MRPS25: variants seen among roughly 807,000 people sequenced by gnomAD.
The protein encoded by MRPS25 is small ribosomal subunit protein mS25.
In MRPS25, 15 loss-of-function variants were observed where a neutral mutation model predicts 17.3. That is an observed-to-expected ratio of 0.87 (90% CI 0.58 to 1.34). The LOEUF is 1.34. Ranked by LOEUF, MRPS25 falls within the 40% of genes most tolerant of loss-of-function variation. The probability of loss-of-function intolerance (pLI) is 0.00; values close to 1 mark genes in which losing one functional copy is unlikely to be tolerated. For synonymous variants in MRPS25, 94 were observed against 83.3 expected, an observed-to-expected ratio of 1.13 and a Z score of -0.70; for missense variants, 225 against 218.6, an observed-to-expected ratio of 1.03 and a Z score of -0.19.
chr3:15,052,889 G>A (rs973945692), intron 3 of MRPS25, among the ~76,000 whole-genome samples: 9 of 152,214 alleles, frequency 5.9e-5, no homozygotes, highest in Admixed American at 2.6e-4. Flanking sequence ...TGCTGCCACA[G>A]GTGGAGCCCA....
intron 3 of MRPS25, 147 bp downstream of exon 3, chr3:15,053,233 C>A: frequency 6.8e-7 from 1 of 1,472,322 alleles, no homozygotes; most frequent in Non-Finnish European, 9.0e-7. Flanking sequence ...TCAGAAAGAA[C>A]TGATTCTACA....
At chr3:15,055,168 C>T (rs540312552) in intron 2 of MRPS25, among the ~76,000 whole-genome samples, 10 of 152,154 alleles carry the variant, frequency 6.6e-5, no homozygotes, top group South Asian at 6.2e-4. Flanking sequence ...AGTACCAAAG[C>T]GGATGGTGCT....
chr3:15,056,508 C>A (rs1327391771), intron 2 of MRPS25, among the ~76,000 whole-genome samples: 2 of 152,172 alleles, frequency 1.3e-5, no homozygotes, highest in Non-Finnish European at 2.9e-5. Context: ...CAGGTTAACC[C>A]CATGGGTCCT....
chr3:15,050,603 G>A lies in MRPS25; in HGVS notation c.*1838C>T, dbSNP rs1304941163. The A allele has an allele frequency of 1.0e-6, 1 of 985,350 alleles. No individual in the cohort carries two copies. Among genetic ancestry groups the A allele is most frequent in the Non-Finnish European group, 1.2e-6 (1 of 829,968 alleles). The allele number at this position is 985,350 out of a possible 1,614,324, so 61.0% of individuals were successfully genotyped here. On this transcript the variant is annotated 3_prime_UTR_variant, in exon 4 of 4. Coordinates refer to ENST00000253686, the MANE Select transcript of MRPS25 (RefSeq NM_022497.5). ...ACTTCAGTCAGTTGGGTGGGGAACT[G>A]AAACCAGCAGACATGGGAGGGCTCT...
downstream of MRPS25, chr3:15,043,564 T>C (rs2042347605): frequency 6.5e-6 from 1 of 152,692 alleles, no homozygotes; most frequent in African/African-American, 2.4e-5. Context: ...CAATCATTTA[T>C]GTTTAAGAAA....
intron 1 of MRPS25, among the ~76,000 whole-genome samples, chr3:15,059,891 T>C (rs754308534): frequency 1.1e-4 from 17 of 150,816 alleles, no homozygotes; most frequent in Non-Finnish European, 2.5e-4. Flanking sequence ...TATTCACACA[T>C]GGGGGAACAG....
chr3:15,059,535 T>A, intron 1 of MRPS25, 60 bp from the exon 2 acceptor site: 1 of 1,143,402 alleles, frequency 8.7e-7, no homozygotes, highest in Non-Finnish European at 1.3e-6. Flanking sequence ...ATTTTATGCG[T>A]GGGTATTTTT....
At chr3:15,060,736 G>A (rs901321383) in intron 1 of MRPS25, among the ~76,000 whole-genome samples, 7 of 151,932 alleles carry the variant, frequency 4.6e-5, no homozygotes, top group Admixed American at 1.3e-4. Flanking sequence ...CAAAAAATTA[G>A]CCGGCGTGGT....
chr3:15,060,678 C>T (rs1278489822), intron 1 of MRPS25, among the ~76,000 whole-genome samples: 2 of 151,936 alleles, frequency 1.3e-5, no homozygotes, highest in African/African-American at 4.8e-5. Flanking sequence ...GTCAGGAGAT[C>T]GAGACCATCC....
Position 15,050,115 on chromosome 3 carries a change from G to A in MRPS25, c.*2326C>T. ...ACTAAACAAAATAGGGAAAGACAAA[G>A]GTTTAAAGAGAAACTATCCAGGATC... On this transcript the variant is annotated 3_prime_UTR_variant, in exon 4 of 4. Transcript: ENST00000253686. 7.3e-7 allele frequency: 1 copy of A among 1,378,328 alleles called. No homozygotes were observed. Among genetic ancestry groups the A allele is most frequent in the South Asian group, 1.7e-5 (1 of 57,522 alleles). 85.4% of individuals were successfully genotyped at this position (1,378,328 alleles called of 1,614,324 possible). A position where few individuals can be genotyped will look rare whatever the true frequency, so the allele number is the denominator to read the frequency against.
At chr3:15,045,256 G>A (rs945307393), downstream of MRPS25, 1 of 152,180 alleles carries the variant, frequency 6.6e-6, no homozygotes, top group African/African-American at 2.4e-5. Flanking sequence ...GGGAATACAA[G>A]CATAACAGCT....
intron 2 of MRPS25, 192 bp from the exon 3 acceptor site, chr3:15,053,659 T>C (rs2042636626): frequency 1.5e-6 from 1 of 660,306 alleles, no homozygotes; most frequent in Non-Finnish European, 2.6e-6. Context: ...GCATAAACTT[T>C]AGATATGTAA....
chr3:15,064,788 G>A (rs2042831009), intron 1 of MRPS25, among the ~76,000 whole-genome samples: 1 of 152,204 alleles, frequency 6.6e-6, no homozygotes, highest in Admixed American at 6.5e-5. Flanking sequence ...GCCTCCCTCG[G>A]GTCAGCCTCG....
Position 15,053,948 on chromosome 3 carries a change from G to C in MRPS25, c.242-481C>G, listed in dbSNP as rs115519884. Among the ~76,000 whole-genome samples, 267 of 152,254 alleles carry C rather than the reference G, an allele frequency of 1.8e-3. 1 individual carries two copies. Among genetic ancestry groups the C allele is most frequent in the Non-Finnish European group, 3.1e-3 (211 of 68,030 alleles). ...AATAAATTGAAATTACTATAATCAA[G>C]ACAGTGTGGTACTAGTATAAGAATA... On this transcript the variant is annotated intron_variant, in intron 2 of 3. Transcript: ENST00000253686.
intron 1 of MRPS25, 44 bp from the exon 2 acceptor site, chr3:15,059,519 C>G (rs762139081): frequency 6.8e-5 from 94 of 1,383,758 alleles, no homozygotes; most frequent in Non-Finnish European, 9.2e-5. Context: ...GAGTTTTTAG[C>G]CTGAAATTTT....
chr3:15,052,339 T>A lies in MRPS25; in HGVS notation c.*102A>T. On this transcript the variant is annotated 3_prime_UTR_variant, in exon 4 of 4. Coordinates refer to ENST00000253686, the MANE Select transcript of MRPS25 (RefSeq NM_022497.5). ...TTTTAATGCAAAAGGATTTCCAGAG[T>A]CTCCAGGGACAGAACCAGGGGCTTC... 1 of 1,503,056 alleles carries A rather than the reference T, an allele frequency of 6.7e-7. No homozygotes were observed. Among genetic ancestry groups the A allele is most frequent in the Non-Finnish European group, 8.9e-7 (1 of 1,126,902 alleles). The allele number at this position is 1,503,056 out of a possible 1,614,324, so 93.1% of individuals were successfully genotyped here. A position where few individuals can be genotyped will look rare whatever the true frequency, so the allele number is the denominator to read the frequency against.
In MRPS25 at chr3:15,065,015, C is replaced by T. The variant is rs748183138; in HGVS notation, c.134+46G>A. The T allele has an allele frequency of 5.1e-6, 8 of 1,566,810 alleles. No homozygotes were observed. In the South Asian group the frequency reaches 5.8e-5, roughly 11 times the overall value. ...ACCTCACGTTACCAGCAGGCTGGCACGACTAGCAGGTTACGGCTCGCCAGG... is the reference window on the plus strand; with the variant it reads ...ACCTCACGTTACCAGCAGGCTGGCATGACTAGCAGGTTACGGCTCGCCAGG... On this transcript the variant is annotated intron_variant, in intron 1 of 3. Transcript: ENST00000253686.
At chr3:15,043,228 G>A (rs935314182), downstream of MRPS25, 3 of 374,572 alleles carry the variant, frequency 8.0e-6, no homozygotes, top group South Asian at 3.9e-4. Context: ...TGAAGCAGCA[G>A]ATTTTGGAAC....
rs1425131962 is a variant in MRPS25, at chr3:15,051,979, C to T, written c.*462G>A. 1.3e-5 allele frequency: 13 copies of T among 987,688 alleles called. No individual in the cohort carries two copies. Among genetic ancestry groups the T allele is most frequent in the South Asian group, 4.7e-5 (1 of 21,326 alleles). 61.2% of individuals were successfully genotyped at this position (987,688 alleles called of 1,614,324 possible). A position where few individuals can be genotyped will look rare whatever the true frequency, so the allele number is the denominator to read the frequency against. On this transcript the variant is annotated 3_prime_UTR_variant, in exon 4 of 4. Transcript: ENST00000253686. The stretch of plus-strand genomic sequence containing the variant: ...TGAAAAATACCCCCAAGGAACTGAA[C>T]GGAGGGGTGTACACACTGCCAACCA...
Sources: gnomAD v4.1 joint callset for allele counts (sites outside exome capture counted in the v4.1 genomes callset) on GRCh38, gnomAD v4.1.1 for gene constraint, MANE v1.5 for transcripts, NCBI Gene and HGNC (gene_info 2026-07-23, HGNC 2026-07-21) for gene names.